IRF9: variants seen among roughly 807,000 people sequenced by gnomAD.
The protein encoded by IRF9 is interferon regulatory factor 9, also known as IFN-alpha-responsive transcription factor subunit.
A neutral mutation model predicts 44.1 loss-of-function variants in IRF9; 13 were observed. The ratio of observed to expected loss-of-function variants is 0.29; its 90% confidence interval spans 0.19 to 0.47. IRF9 has a LOEUF of 0.47. Among genes scored for constraint, IRF9 ranks in the 20% least tolerant of loss-of-function variants. The pLI is 1.00. For missense variants in IRF9, 373 were observed against 496.1 expected, an observed-to-expected ratio of 0.75 and a Z score of 2.36; for synonymous variants, 189 against 188.5, an observed-to-expected ratio of 1.00 and a Z score of -0.02.
In IRF9 at chr14:24,166,375, T is replaced by G; in HGVS notation, c.*179T>G. The G allele has an allele frequency of 1.7e-6, 1 of 593,390 alleles. No individual in the cohort carries two copies. Among genetic ancestry groups the G allele is most frequent in the Non-Finnish European group, 2.9e-6 (1 of 344,926 alleles). The allele number at this position is 593,390 out of a possible 1,614,324, so 36.8% of individuals were successfully genotyped here. ...TGGTGGAGAACTCAAGGCTAATTTT[T>G]TATCCTTTTTTTTTTTTAATTTTGA... On this transcript the variant is annotated 3_prime_UTR_variant, in exon 9 of 9. Transcript: ENST00000396864.
chr14:24,163,282 C>T, intron 3 of IRF9, 96 bp from the exon 4 acceptor site: 1 of 1,552,940 alleles, frequency 6.4e-7, no homozygotes, highest in Non-Finnish European at 8.8e-7. Flanking sequence ...GTTTCCCTTC[C>T]TAGACCTGCC....
chr14:24,163,644 C>T (rs1387522765), intron 4 of IRF9, 136 bp downstream of exon 4: 1 of 1,061,258 alleles, frequency 9.4e-7, no homozygotes, highest in Non-Finnish European at 1.4e-6. Flanking sequence ...CGAAACCAGC[C>T]TCGACCAACA....
rs370632116 is a variant in IRF9, at chr14:24,164,710, G to A, written c.746G>A (p.Gly249Asp). 9 of 1,613,424 alleles carry A rather than the reference G, an allele frequency of 5.6e-6. No homozygotes were observed. In the African/African-American group the frequency reaches 1.1e-4, roughly 19 times the overall value. Residue 249 changes from glycine (G) to aspartate (D), a missense_variant, in exon 7 of 9, where the codon GGC (glycine) becomes GAC (aspartate). Transcript: ENST00000396864. This position sits in a 1 kb window ranked among gnomAD's most constrained non-coding sequence, Gnocchi z 5.2. ...LDCRLVAEPS[G>D]SESSMEQVLF... The stretch of plus-strand genomic sequence containing the variant: ...TGCCGCCTTGTGGCTGAGCCCTCAG[G>A]CTCTGAGAGCAGCATGGAGCAGGTG...
At chr14:24,166,090 T>G in intron 8 of IRF9, 32 bp from the exon 9 acceptor site, 1 of 1,603,320 alleles carries the variant, frequency 6.2e-7, no homozygotes, top group Non-Finnish European at 8.5e-7. Flanking sequence ...ATGCACGCAC[T>G]GAGATGCTCT....
In IRF9 at chr14:24,163,108, C is replaced by G; in HGVS notation, c.323C>G (p.Pro108Arg). The G allele has an allele frequency of 6.2e-7, 1 of 1,614,174 alleles. No individual in the cohort carries two copies. The highest frequency in any genetic ancestry group is 2.2e-5 in the East Asian group (1 of 44,888). The change falls in exon 3 of 9, where the codon CCC becomes CGC. Residue 108 changes from proline (P) to arginine (R), a missense_variant. Pro to Arg is a moderately radical substitution (Grantham distance 103). Coordinates refer to ENST00000396864, the MANE Select transcript of IRF9 (RefSeq NM_006084.5). ...PERGRMDVAE[P>R]YKVYQLLPPG... Reference sequence around the variant, plus strand: ...AGGGGCCGCATGGATGTTGCTGAGCCCTACAAGGTGTATCAGTTGCTGCCA... The same window carrying G: ...AGGGGCCGCATGGATGTTGCTGAGCGCTACAAGGTGTATCAGTTGCTGCCA...
intron 4 of IRF9, 94 bp downstream of exon 4, chr14:24,163,602 C>T (rs987332077): frequency 7.4e-5 from 106 of 1,440,064 alleles, no homozygotes; most frequent in Non-Finnish European, 9.3e-5. Context: ...CTTGGGAGGC[C>T]GAGGCTGGCA....
Position 24,164,223 on chromosome 14 carries a change from CT to C in IRF9, c.649+91del. 2 of 1,133,546 alleles carry C rather than the reference CT, an allele frequency of 1.8e-6. No homozygotes were observed. The highest frequency in any genetic ancestry group is 2.7e-6 in the Non-Finnish European group (2 of 749,020). 70.2% of individuals were successfully genotyped at this position (1,133,546 alleles called of 1,614,324 possible). A position where few individuals can be genotyped will look rare whatever the true frequency, so the allele number is the denominator to read the frequency against. The stretch of plus-strand genomic sequence containing the variant: ...GCATGCATTATCTAGTCAGTCAGGG[CT>C]TACAGCAAACTGTACCCACATTACC... On this transcript the variant is annotated intron_variant, in intron 6 of 8. Transcript: ENST00000396864. This position sits in a 1 kb window ranked among gnomAD's most constrained non-coding sequence, Gnocchi z 5.2.
Position 24,164,055 on chromosome 14 carries a change from C to T in IRF9, c.578-8C>T. ...TCTGAATGACCAGTGCCTTTGCTTC[C>T]CTTCCAGTTACAGACACAACTGAGG... is the stretch of plus-strand genomic sequence containing the variant. On this transcript the variant is annotated splice_region_variant and splice_polypyrimidine_tract_variant and intron_variant, in intron 5 of 8. Coordinates refer to ENST00000396864, the MANE Select transcript of IRF9 (RefSeq NM_006084.5). This position sits in a 1 kb window ranked among gnomAD's most constrained non-coding sequence, Gnocchi z 5.2. 1 of 1,614,060 alleles carries T rather than the reference C, an allele frequency of 6.2e-7. No individual in the cohort carries two copies. The highest frequency in any genetic ancestry group is 1.1e-5 in the South Asian group (1 of 91,082).
At chr14:24,163,223 C>T (rs2038481954) in intron 3 of IRF9, 74 bp downstream of exon 3, 3 of 1,572,758 alleles carry the variant, frequency 1.9e-6, no homozygotes, top group Non-Finnish European at 2.6e-6. Context: ...AGGCTTCCCC[C>T]AGGCTTATAG....
At chr14:24,162,380 G>T in intron 2 of IRF9, 56 bp downstream of exon 2, 1 of 1,520,284 alleles carries the variant, frequency 6.6e-7, no homozygotes. Context: ...TATACACACT[G>T]GTACACTCAT....
At chr14:24,166,058 C>T in intron 8 of IRF9, 64 bp from the exon 9 acceptor site, 2 of 1,587,040 alleles carry the variant, frequency 1.3e-6, no homozygotes, top group Admixed American at 1.7e-5. Flanking sequence ...GAAGGAGCTC[C>T]TGGGGGTGGT....
chr14:24,163,648 A>C (rs2038487370), intron 4 of IRF9, 140 bp downstream of exon 4: 1 of 1,030,402 alleles, frequency 9.7e-7, no homozygotes, highest in Non-Finnish European at 1.4e-6. Flanking sequence ...ACCAGCCTCG[A>C]CCAACATGGT....
At position 24,164,286 on chromosome 14, in the gene IRF9, C is replaced by G. The variant is rs1051814722; in HGVS notation, c.649+152C>G. On this transcript the variant is annotated intron_variant, in intron 6 of 8. Transcript: ENST00000396864. The surrounding 1 kb of genome is among the most constrained non-coding windows in gnomAD (Gnocchi z 5.2). ...CAGTGGTTTCTAGGTGGCGAGAATT[C>G]CATATGCCTGGCCAGACTCCAAAAA... is the stretch of plus-strand genomic sequence containing the variant. 4.2e-6 allele frequency: 3 copies of G among 707,550 alleles called. No individual in the cohort carries two copies. The African/African-American group carries it at 5.4e-5, about 13-fold the overall frequency. The allele number at this position is 707,550 out of a possible 1,614,324, so 43.8% of individuals were successfully genotyped here. A position where few individuals can be genotyped will look rare whatever the true frequency, so the allele number is the denominator to read the frequency against.
intron 2 of IRF9, chr14:24,162,679 A>C (rs1229913498): frequency 4.5e-6 from 2 of 445,250 alleles, no homozygotes; most frequent in Non-Finnish European, 4.0e-6. Flanking sequence ...GCATGCCTGT[A>C]GTCCCAGCTA....
rs2038519749 is a variant in IRF9, at chr14:24,166,186, C to G, written c.1172C>G (p.Ser391Cys). 1.2e-6 allele frequency: 2 copies of G among 1,613,868 alleles called. No homozygotes were observed. The highest frequency in any genetic ancestry group is 1.7e-6 in the Non-Finnish European group (2 of 1,179,980). ...CCAGAGCAGCAGGCAGCCATTCTGT[C>G]CCTGGTGTAGAGCCTGGGGGACCCA... Reference protein sequence around the residue: ...QTPEQQAAILSLV With the variant: ...QTPEQQAAILCLV Residue 391 changes from serine (S) to cysteine (C), a missense_variant, in exon 9 of 9, where the codon TCC becomes TGC. Transcript: ENST00000396864.
rs2038491747 is a variant in IRF9, at chr14:24,163,960, G to GTAC, written c.577+2_577+4dup. 5 of 1,608,302 alleles carry GTAC rather than the reference G, an allele frequency of 3.1e-6. No individual in the cohort carries two copies. Among genetic ancestry groups the GTAC allele is most frequent in the Middle Eastern group, 3.3e-4 (2 of 6,018 alleles). The stretch of plus-strand genomic sequence containing the variant: ...AGCAGCAGCCCTGAGCCACAGGAAG[G>GTAC]TACCACCTGCCCTGCCTCTTGTGTC... On this transcript the variant is annotated splice_donor_variant, in intron 5 of 8. Transcript: ENST00000396864. LOFTEE classifies it high-confidence loss of function.
At chr14:24,163,246 C>A in intron 3 of IRF9, 97 bp downstream of exon 3, 1 of 1,550,306 alleles carries the variant, frequency 6.5e-7, no homozygotes, top group South Asian at 1.2e-5. Flanking sequence ...CTGCCCTGTC[C>A]ATGCCCTTGG....
In IRF9 at chr14:24,164,433, G is replaced by A. The variant is rs150124895; in HGVS notation, c.650-181G>A. 1.6e-6 allele frequency: 1 copy of A among 639,956 alleles called. No homozygotes were observed. The highest frequency in any genetic ancestry group is 2.7e-5 in the East Asian group (1 of 36,538). The allele number at this position is 639,956 out of a possible 1,614,324, so 39.6% of individuals were successfully genotyped here. A position where few individuals can be genotyped will look rare whatever the true frequency, so the allele number is the denominator to read the frequency against. On this transcript the variant is annotated intron_variant, in intron 6 of 8. Coordinates refer to ENST00000396864, the MANE Select transcript of IRF9 (RefSeq NM_006084.5). This position sits in a 1 kb window ranked among gnomAD's most constrained non-coding sequence, Gnocchi z 5.2. ...CCTTCTAGTAAACTACAAGCCCCTG[G>A]GCATTGAGCCCTGAGGCCTCATGGT...
intron 2 of IRF9, 123 bp downstream of exon 2, chr14:24,162,447 C>A: frequency 2.1e-6 from 2 of 951,898 alleles, no homozygotes; most frequent in East Asian, 2.6e-5. Flanking sequence ...GAGAGGAAAA[C>A]TAGCTGCATC....
Sources: allele counts gnomAD v4.1 joint callset, GRCh38; gene constraint gnomAD v4.1.1; non-coding constraint Gnocchi (gnomAD v3.1); transcripts MANE v1.5; gene names NCBI Gene and HGNC (gene_info 2026-07-23, HGNC 2026-07-21).